Variants in ZC4H2 observed in about 807,000 individuals in gnomAD.
ZC4H2 encodes zinc finger C4H2-type containing, also known as zinc finger C4H2 domain-containing protein.
For missense variants in ZC4H2, 137 were observed against 173.9 expected, an observed-to-expected ratio of 0.79 and a Z score of 1.19; for synonymous variants, 84 against 66.3, an observed-to-expected ratio of 1.27 and a Z score of -1.30.
chrX:64,976,548 C>T, upstream of ZC4H2: 1 of 481,614 alleles, frequency 2.1e-6, no homozygotes, highest in Admixed American at 3.5e-5. Context: ...GCCAGGAAGC[C>T]CGGGGGCCTG....
chrX:64,964,430 C>A (rs1286270730), intron 1 of ZC4H2, among the ~76,000 whole-genome samples: 1 of 111,009 alleles, frequency 9.0e-6, no homozygotes, highest in Non-Finnish European at 1.9e-5. Context: ...TCAAATTGCT[C>A]AAAACCAGTA....
At chrX:65,004,946 C>A (rs986723021) in intron 1 of ZC4H2, among the ~76,000 whole-genome samples, 2 of 111,604 alleles carry the variant, frequency 1.8e-5, no homozygotes, top group East Asian at 5.6e-4. Flanking sequence ...AATAGACACA[C>A]AGAGAGCCAA....
intron 1 of ZC4H2, among the ~76,000 whole-genome samples, chrX:64,989,513 C>T (rs1439964261): frequency 1.8e-5 from 2 of 111,509 alleles, no homozygotes; most frequent in African/African-American, 3.3e-5. Context: ...ACACCAAAAG[C>T]ATAATCCATA....
At chrX:65,024,945 G>A (rs1932865230) in intron 1 of ZC4H2, among the ~76,000 whole-genome samples, 1 of 110,771 alleles carries the variant, frequency 9.0e-6, no homozygotes, top group Non-Finnish European at 1.9e-5. Flanking sequence ...TGAGTATTAT[G>A]CTCATTACTT....
At chrX:64,930,426 T>C (rs193073819) in intron 1 of ZC4H2, among the ~76,000 whole-genome samples, 79 of 111,923 alleles carry the variant, frequency 7.1e-4, no homozygotes, top group Non-Finnish European at 1.2e-3. Context: ...GTGGTGACAA[T>C]AGGCATCCTT....
intron 1 of ZC4H2, among the ~76,000 whole-genome samples, chrX:64,949,990 T>C (rs1370839851): frequency 8.9e-6 from 1 of 112,182 alleles, no homozygotes; most frequent in Non-Finnish European, 1.9e-5. Flanking sequence ...CATTTAGTGA[T>C]ATAAATTTCC....
At chrX:64,947,234 G>T (rs1930578428) in intron 1 of ZC4H2, among the ~76,000 whole-genome samples, 1 of 111,872 alleles carries the variant, frequency 8.9e-6, no homozygotes, top group Non-Finnish European at 1.9e-5. Context: ...ATTTGTTGGG[G>T]ATTATTTTAT....
intron 1 of ZC4H2, among the ~76,000 whole-genome samples, chrX:64,952,926 A>G (rs1363130429): frequency 9.0e-6 from 1 of 111,681 alleles, no homozygotes. Flanking sequence ...AAACTATACT[A>G]CAAGGCTACA....
At position 64,916,963 on chromosome X, in the gene ZC4H2, G is replaced by T. The variant is rs763872866; in HGVS notation, c.*820C>A. On this transcript the variant is annotated 3_prime_UTR_variant, in exon 5 of 5. Coordinates refer to ENST00000374839, the MANE Select transcript of ZC4H2 (RefSeq NM_018684.4). ...TGAACAAAAGCCAACACAGATGTCAGCCTGGGGGCACTCTCAGCCTAAGGA... is the reference window on the plus strand; with the variant it reads ...TGAACAAAAGCCAACACAGATGTCATCCTGGGGGCACTCTCAGCCTAAGGA... The T allele has an allele frequency of 8.9e-6, 1 of 112,433 alleles. No homozygotes were observed. The highest frequency in any genetic ancestry group is 2.8e-4 in the East Asian group (1 of 3,559). 9.3% of individuals were successfully genotyped at this position (112,433 alleles called of 1,213,427 possible).
intron 1 of ZC4H2, 163 bp from the exon 2 acceptor site, chrX:64,922,151 C>A: frequency 6.6e-6 from 7 of 1,064,072 alleles, no homozygotes; most frequent in Non-Finnish European, 8.4e-6. Flanking sequence ...TGGCTCATGC[C>A]AGTAATCTCA....
chrX:65,016,587 A>G, intron 1 of ZC4H2, among the ~76,000 whole-genome samples: 1 of 111,705 alleles, frequency 9.0e-6, no homozygotes, highest in Admixed American at 9.5e-5. Context: ...TCGTATTGGG[A>G]ATGTGAAGAG....
chrX:64,976,486 G>T, upstream of ZC4H2: 1 of 867,592 alleles, frequency 1.2e-6, no homozygotes, highest in Non-Finnish European at 1.7e-6. Flanking sequence ...ATGAGCCTGT[G>T]CGGTAGGGGC....
chrX:65,021,507 G>C (rs1932836220), intron 1 of ZC4H2, among the ~76,000 whole-genome samples: 1 of 111,264 alleles, frequency 9.0e-6, no homozygotes, highest in Admixed American at 9.5e-5. Context: ...GAATCTCTGG[G>C]ACACATTTAA....
At chrX:65,012,168 C>A (rs748944899) in intron 1 of ZC4H2, among the ~76,000 whole-genome samples, 1 of 86,148 alleles carries the variant, frequency 1.2e-5, no homozygotes, top group African/African-American at 4.6e-5. Context: ...GCAGAGGTTG[C>A]GGTGAACCGA....
At chrX:64,945,718 G>T (rs1426389178) in intron 1 of ZC4H2, among the ~76,000 whole-genome samples, 1 of 111,464 alleles carries the variant, frequency 9.0e-6, no homozygotes, top group Non-Finnish European at 1.9e-5. Flanking sequence ...CCCAGGGATG[G>T]GAGTTCCATC....
At chrX:64,985,832 ATT>A (rs1469023490) in intron 1 of ZC4H2, among the ~76,000 whole-genome samples, 1 of 111,797 alleles carries the variant, frequency 8.9e-6, no homozygotes, top group African/African-American at 3.3e-5. Flanking sequence ...AAGCCATCAC[ATT>A]TTGAGTAAAG....
At chrX:64,954,436 A>G (rs1931069944) in intron 1 of ZC4H2, among the ~76,000 whole-genome samples, 1 of 91,029 alleles carries the variant, frequency 1.1e-5, no homozygotes, top group South Asian at 4.7e-4. Flanking sequence ...CAAAATTTCT[A>G]ATATGTTTGA....
intron 1 of ZC4H2, among the ~76,000 whole-genome samples, chrX:64,945,368 G>T (rs1411656981): frequency 8.9e-6 from 1 of 111,852 alleles, no homozygotes; most frequent in Non-Finnish European, 1.9e-5. Context: ...GTTTGCTGGT[G>T]GTCCACTCCA....
upstream of ZC4H2, among the ~76,000 whole-genome samples, chrX:64,977,997 C>T (rs908625889): frequency 2.7e-5 from 3 of 111,050 alleles, no homozygotes; most frequent in African/African-American, 6.6e-5. Flanking sequence ...GAGAGCTGGA[C>T]GTTGGGCAAA....
Sources: gnomAD v4.1 joint callset for allele counts (sites outside exome capture counted in the v4.1 genomes callset) on GRCh38, gnomAD v4.1.1 for gene constraint, MANE v1.5 for transcripts, NCBI Gene and HGNC (gene_info 2026-07-23, HGNC 2026-07-21) for gene names.